Variants in PDZRN4 observed in about 807,000 individuals in gnomAD.
The protein encoded by PDZRN4 is PDZ domain-containing RING finger protein 4.
PDZRN4 carries 70 observed loss-of-function variants against 99.0 expected under a neutral mutation model. The observed-to-expected ratio is 0.71, with a 90% CI of 0.58 to 0.86. The LOEUF (loss-of-function observed/expected upper bound fraction) is 0.86. Ranked by LOEUF, PDZRN4 falls within the 40% of genes least tolerant of loss-of-function variation. The pLI, the probability that PDZRN4 is intolerant of heterozygous loss-of-function variation, is 0.00. For missense variants in PDZRN4, 1,474 were observed against 1,331.2 expected (o/e 1.11, Z -1.67); for synonymous variants, 551 against 501.6 (o/e 1.10, Z -1.32).
chr12:41,262,700 CAG>C (rs1459378804), intron 3 of PDZRN4, among the ~76,000 whole-genome samples: 1 of 148,146 alleles, frequency 6.8e-6, no homozygotes, highest in Non-Finnish European at 1.5e-5. Context: ...TGATCACTGA[CAG>C]AGAAAACTCA....
intron 4 of PDZRN4, among the ~76,000 whole-genome samples, chr12:41,508,539 G>T (rs924367359): frequency 2.0e-5 from 3 of 152,100 alleles, no homozygotes; most frequent in African/African-American, 7.2e-5. Context: ...TCACAGCAGG[G>T]CTCCCTTCTT....
chr12:41,413,795 G>T (rs1952418820), intron 3 of PDZRN4, among the ~76,000 whole-genome samples: 1 of 152,058 alleles, frequency 6.6e-6, no homozygotes, highest in Non-Finnish European at 1.5e-5. Context: ...TTTAAGTGGG[G>T]TGTTAAGACC....
At chr12:41,195,530 T>C (rs1950765276) in intron 3 of PDZRN4, among the ~76,000 whole-genome samples, 1 of 151,906 alleles carries the variant, frequency 6.6e-6, no homozygotes, top group South Asian at 2.1e-4. Flanking sequence ...TTTGCTGTTT[T>C]GGGAAAAAAG....
chr12:41,351,008 T>C (rs17129253), intron 3 of PDZRN4, among the ~76,000 whole-genome samples: 9,557 of 152,190 alleles, frequency 0.063, 364 homozygotes, highest in South Asian at 0.15. Flanking sequence ...CTGACAAAAG[T>C]CTAATTAAAA....
At chr12:41,198,700 T>C (rs1025093265) in intron 3 of PDZRN4, among the ~76,000 whole-genome samples, 3 of 151,396 alleles carry the variant, frequency 2.0e-5, no homozygotes, top group South Asian at 4.2e-4. Context: ...GCATGGCACA[T>C]GTATACATAT....
intron 3 of PDZRN4, among the ~76,000 whole-genome samples, chr12:41,207,705 A>T (rs1313644088): frequency 6.6e-6 from 1 of 151,846 alleles, no homozygotes; most frequent in Non-Finnish European, 1.5e-5. Flanking sequence ...GCAAATGGCT[A>T]TGTGTAACAA....
At chr12:41,197,360 A>C (rs1056929251) in intron 3 of PDZRN4, among the ~76,000 whole-genome samples, 2 of 152,154 alleles carry the variant, frequency 1.3e-5, no homozygotes, top group Non-Finnish European at 2.9e-5. Flanking sequence ...TATTGATAAA[A>C]TTCAAGAATA....
At chr12:41,397,729 G>A (rs1194453192) in intron 3 of PDZRN4, among the ~76,000 whole-genome samples, 2 of 152,114 alleles carry the variant, frequency 1.3e-5, no homozygotes, top group Non-Finnish European at 2.9e-5. Context: ...GTTAATGGAT[G>A]TTTTAAAGTT....
chr12:41,246,630 T>C (rs1384775764), intron 3 of PDZRN4, among the ~76,000 whole-genome samples: 1 of 152,200 alleles, frequency 6.6e-6, no homozygotes, highest in Non-Finnish European at 1.5e-5. Flanking sequence ...TGAGATCAAC[T>C]GCAGGGGCTT....
At chr12:41,252,257 C>A (rs1197844625) in intron 3 of PDZRN4, among the ~76,000 whole-genome samples, 1 of 152,072 alleles carries the variant, frequency 6.6e-6, no homozygotes, top group Non-Finnish European at 1.5e-5. Context: ...AATAAAAACA[C>A]AAACATAGGA....
intron 5 of PDZRN4, among the ~76,000 whole-genome samples, chr12:41,533,685 T>C (rs1293916650): frequency 6.6e-6 from 1 of 152,224 alleles, no homozygotes; most frequent in Non-Finnish European, 1.5e-5. Flanking sequence ...AGGTGTTTCC[T>C]ACGCATTTTT....
chr12:41,317,861 C>T (rs1024979598), intron 3 of PDZRN4, among the ~76,000 whole-genome samples: 2 of 151,988 alleles, frequency 1.3e-5, no homozygotes, highest in Non-Finnish European at 1.5e-5. Flanking sequence ...GATTTTCAAT[C>T]GCTTCCTATT....
intron 3 of PDZRN4, among the ~76,000 whole-genome samples, chr12:41,339,044 T>C (rs1951796189): frequency 6.6e-6 from 1 of 151,856 alleles, no homozygotes; most frequent in African/African-American, 2.4e-5. Context: ...ATGCCAATGA[T>C]GTTCTTCACA....
chr12:41,325,542 CTCAAG>C (rs1257585293), intron 3 of PDZRN4, among the ~76,000 whole-genome samples: 1 of 152,088 alleles, frequency 6.6e-6, no homozygotes, highest in Non-Finnish European at 1.5e-5. Context: ...ACTCAACAAA[CTCAAG>C]TCAACAGCAA....
intron 3 of PDZRN4, among the ~76,000 whole-genome samples, chr12:41,293,080 G>A (rs1167870733): frequency 2.6e-5 from 4 of 150,984 alleles, no homozygotes; most frequent in Non-Finnish European, 5.9e-5. Context: ...TAGGAGGGAC[G>A]CTGGAGAACA....
At chr12:41,559,985 A>C (rs1939241287) in intron 7 of PDZRN4, among the ~76,000 whole-genome samples, 1 of 152,126 alleles carries the variant, frequency 6.6e-6, no homozygotes, top group Non-Finnish European at 1.5e-5. Flanking sequence ...GTCATGCAGA[A>C]CTGTGAACCA....
At chr12:41,423,868 T>C (rs1326399493) in intron 3 of PDZRN4, among the ~76,000 whole-genome samples, 1 of 152,156 alleles carries the variant, frequency 6.6e-6, no homozygotes, top group East Asian at 1.9e-4. Context: ...ATCAGTCCTA[T>C]CAGCAGCACC....
chr12:41,362,582 T>C (rs781158208), intron 3 of PDZRN4, among the ~76,000 whole-genome samples: 6 of 152,062 alleles, frequency 3.9e-5, no homozygotes, highest in Non-Finnish European at 7.4e-5. Context: ...TCCTGCAAGT[T>C]TAGCATATAT....
At chr12:41,195,531 G>A (rs1288416427) in intron 3 of PDZRN4, among the ~76,000 whole-genome samples, 1 of 151,598 alleles carries the variant, frequency 6.6e-6, no homozygotes, top group East Asian at 1.9e-4. Context: ...TTGCTGTTTT[G>A]GGAAAAAAGA....
Sources: allele counts gnomAD v4.1 joint callset (sites outside exome capture counted in the v4.1 genomes callset), GRCh38; gene constraint gnomAD v4.1.1; transcripts MANE v1.5; gene names NCBI Gene and HGNC (gene_info 2026-07-23, HGNC 2026-07-21).